Variants in ELMOD1 observed in about 807,000 individuals in gnomAD.
ELMOD1 encodes ELMO domain containing 1, also known as ELMO domain-containing protein 1.
Under a neutral mutation model 46.7 loss-of-function variants are expected in ELMOD1, and 21 were observed. That is an observed-to-expected ratio of 0.45 (90% CI 0.32 to 0.65). The LOEUF is 0.65. ELMOD1 is among the 30% of genes least tolerant of loss of function. The probability of loss-of-function intolerance (pLI) is 0.04; values close to 1 mark genes in which losing one functional copy is unlikely to be tolerated. For synonymous variants in ELMOD1, 122 were observed against 138.2 expected (o/e 0.88, Z 0.82); for missense variants, 348 against 407.8 (o/e 0.85, Z 1.26).
intron 6 of ELMOD1, among the ~76,000 whole-genome samples, chr11:107,641,649 G>A (rs1024240510): frequency 3.9e-5 from 6 of 152,148 alleles, no homozygotes; most frequent in Non-Finnish European, 8.8e-5. Context: ...CCTCTCATAT[G>A]TAACAGTCCA....
intron 6 of ELMOD1, chr11:107,643,581 C>G: frequency 1.9e-6 from 1 of 522,926 alleles, no homozygotes; most frequent in Non-Finnish European, 3.9e-6. Context: ...CTCCATTGTT[C>G]AGTTGCTGTC....
intron 2 of ELMOD1, among the ~76,000 whole-genome samples, chr11:107,627,323 T>C (rs534371578): frequency 6.6e-6 from 1 of 152,194 alleles, no homozygotes; most frequent in African/African-American, 2.4e-5. Flanking sequence ...ATGTGCACAA[T>C]TGAAATTGTT....
intron 1 of ELMOD1, among the ~76,000 whole-genome samples, chr11:107,595,360 G>A (rs1028261172): frequency 1.3e-5 from 2 of 151,770 alleles, no homozygotes; most frequent in African/African-American, 2.4e-5. Flanking sequence ...TCTACTTCAG[G>A]TTTTTCTACT....
chr11:107,646,973 TCTATCTATCTATCTAC>T (rs1416712399), intron 6 of ELMOD1, among the ~76,000 whole-genome samples: 4 of 151,728 alleles, frequency 2.6e-5, no homozygotes, highest in Non-Finnish European at 4.4e-5. Context: ...TATCTATCTA[TCTATCTATCTATCTAC>T]CTATCTACCT....
At chr11:107,662,383 G>A (rs904721144) in intron 11 of ELMOD1, among the ~76,000 whole-genome samples, 1 of 152,172 alleles carries the variant, frequency 6.6e-6, no homozygotes, top group Non-Finnish European at 1.5e-5. Context: ...GGCTGAGGCG[G>A]GCGGATCACT....
chr11:107,603,052 A>G (rs759358175), intron 1 of ELMOD1, among the ~76,000 whole-genome samples: 11 of 152,160 alleles, frequency 7.2e-5, no homozygotes, highest in African/African-American at 1.2e-4. Context: ...CACATTTACC[A>G]AGTAGATTTT....
chr11:107,622,174 G>A (rs533100715), intron 2 of ELMOD1, among the ~76,000 whole-genome samples: 15 of 152,290 alleles, frequency 9.8e-5, no homozygotes, highest in African/African-American at 3.1e-4. Context: ...TTCAGGAAAC[G>A]CTTCATTGAG....
intron 6 of ELMOD1, among the ~76,000 whole-genome samples, chr11:107,645,258 A>G (rs183824258): frequency 9.9e-5 from 15 of 151,944 alleles, no homozygotes; most frequent in Non-Finnish European, 1.5e-4. Context: ...TTTTTAAAAT[A>G]AACTTTTCCC....
intron 5 of ELMOD1, among the ~76,000 whole-genome samples, chr11:107,633,281 T>C (rs1411805185): frequency 6.6e-6 from 1 of 152,208 alleles, no homozygotes; most frequent in Non-Finnish European, 1.5e-5. Flanking sequence ...TAAGTACTTT[T>C]CTGAGAAAAC....
At chr11:107,612,366 G>C (rs950106267) in intron 1 of ELMOD1, among the ~76,000 whole-genome samples, 38 of 152,182 alleles carry the variant, frequency 2.5e-4, no homozygotes, top group African/African-American at 8.7e-4. Flanking sequence ...AGTTGGGAGG[G>C]AGGAGGGGAG....
At chr11:107,630,779 T>G in intron 4 of ELMOD1, 51 bp downstream of exon 4, 1 of 1,542,990 alleles carries the variant, frequency 6.5e-7, no homozygotes, top group Non-Finnish European at 8.8e-7. Context: ...AAGCTTACCT[T>G]TATCATAAGA....
At chr11:107,664,216 G>A (rs1432659886) in intron 11 of ELMOD1, among the ~76,000 whole-genome samples, 1 of 149,832 alleles carries the variant, frequency 6.7e-6, no homozygotes, top group Non-Finnish European at 1.5e-5. Context: ...AGACACCTGA[G>A]CTTGTAGTAG....
intron 2 of ELMOD1, among the ~76,000 whole-genome samples, chr11:107,624,275 T>C (rs370298041): frequency 6.6e-6 from 1 of 152,344 alleles, no homozygotes; most frequent in South Asian, 2.1e-4. Flanking sequence ...GTATAATGTG[T>C]TATAATGTGT....
intron 6 of ELMOD1, 79 bp downstream of exon 6, chr11:107,635,844 C>A: frequency 7.0e-7 from 1 of 1,430,764 alleles, no homozygotes; most frequent in Non-Finnish European, 9.4e-7. Context: ...CTAGGCGCTG[C>A]TCTGGACATC....
At chr11:107,624,741 G>A (rs756135976) in intron 2 of ELMOD1, among the ~76,000 whole-genome samples, 218 of 152,216 alleles carry the variant, frequency 1.4e-3, no homozygotes, top group Non-Finnish European at 2.7e-3. Context: ...TTCTTTGAAA[G>A]GAAAGGGTTA....
chr11:107,648,272 G>A (rs1248989101), intron 7 of ELMOD1, among the ~76,000 whole-genome samples: 3 of 151,972 alleles, frequency 2.0e-5, no homozygotes, highest in South Asian at 2.1e-4. Flanking sequence ...CCTTCCTTTT[G>A]CCCCCTCCTC....
At chr11:107,643,816 G>C in intron 6 of ELMOD1, 1 of 318,698 alleles carries the variant, frequency 3.1e-6, no homozygotes. Flanking sequence ...AGAATCGTCA[G>C]GCCAGGTGCC....
rs187175841 is a variant in ELMOD1, at chr11:107,657,521, C to T, written c.832+1455C>T. 2.1e-4 allele frequency among the ~76,000 whole-genome samples: 32 copies of T among 152,224 alleles called. 1 individual carries two copies. The highest frequency in any genetic ancestry group is 5.8e-4 in the African/African-American group (24 of 41,530). ...CCAGCCTGGGTGACAGAGCAAGACC[C>T]CATCTCAATCAATCAATCAGTCAAT... On this transcript the variant is annotated intron_variant, in intron 11 of 11. Transcript: ENST00000265840.
chr11:107,605,572 A>G (rs533215167), intron 1 of ELMOD1, among the ~76,000 whole-genome samples: 1 of 152,332 alleles, frequency 6.6e-6, no homozygotes, highest in Admixed American at 6.5e-5. Context: ...CGTAAGATGT[A>G]GGCAACCGCA....
Sources: allele counts gnomAD v4.1 joint callset (sites outside exome capture counted in the v4.1 genomes callset), GRCh38; gene constraint gnomAD v4.1.1; transcripts MANE v1.5; gene names NCBI Gene and HGNC (gene_info 2026-07-23, HGNC 2026-07-21).